The following FBXL4 variants were observed in gnomAD, a reference collection of about 807,000 sequenced individuals.
FBXL4 encodes the protein F-box/LRR-repeat protein 4.
Under a neutral mutation model 58.9 loss-of-function variants are expected in FBXL4, and 40 were observed. That is an observed-to-expected ratio of 0.68 (90% CI 0.53 to 0.88). FBXL4 has a LOEUF of 0.88. Ranked by LOEUF, FBXL4 falls within the 40% of genes least tolerant of loss-of-function variation. The pLI is 0.00. For synonymous variants in FBXL4, 263 were observed against 265.5 expected (o/e 0.99, Z 0.09); for missense variants, 676 against 734.4 (o/e 0.92, Z 0.92).
Position 98,918,976 on chromosome 6 carries a change from G to A in FBXL4, c.513-1257C>T, listed in dbSNP as rs986179214. Among the ~76,000 whole-genome samples the A allele has an allele frequency of 4.6e-5, 7 of 151,424 alleles. No homozygotes were observed. The South Asian group carries it at 8.3e-4, about 18-fold the overall frequency. On this transcript the variant is annotated intron_variant, in intron 4 of 9. Transcript: ENST00000369244. ...ATTTTTTTCCACCAATAAATTGTTC[G>A]TTTATTTCCCTGGCCCAATGACCTA...
At position 98,875,609 on chromosome 6, in the gene FBXL4, C is replaced by T; in HGVS notation, c.1508G>A (p.Gly503Glu). ...TENGIAELASGCPLLEELDLG... is the reference protein window; with the variant it reads ...TENGIAELASECPLLEELDLG... ...GTCAAGCTCCTCCAGTAGTGGACAC[C>T]CAGAAGCCAGTTCTGCTATTCCATT... The change falls in exon 9 of 10, where the codon GGG (glycine) becomes GAG (glutamate). Residue 503 changes from glycine to glutamate, a missense_variant. Transcript: ENST00000369244. 6.2e-7 allele frequency: 1 copy of T among 1,614,080 alleles called. No individual in the cohort carries two copies. Among genetic ancestry groups the T allele is most frequent in the Admixed American group, 1.7e-5 (1 of 60,006 alleles).
chr6:98,880,222 C>T (rs1446604119), intron 8 of FBXL4, among the ~76,000 whole-genome samples: 16 of 152,218 alleles, frequency 1.1e-4, no homozygotes, highest in Non-Finnish European at 1.5e-4. Flanking sequence ...ACTGAACTAT[C>T]GGCATTTAGG....
At chr6:98,876,847 G>A (rs566176185) in intron 8 of FBXL4, among the ~76,000 whole-genome samples, 1 of 152,220 alleles carries the variant, frequency 6.6e-6, no homozygotes, top group African/African-American at 2.4e-5. Flanking sequence ...TCACGCAGTG[G>A]CCAGGACATT....
intron 1 of FBXL4, among the ~76,000 whole-genome samples, chr6:98,937,420 A>T (rs1773262375): frequency 6.6e-6 from 1 of 152,254 alleles, no homozygotes; most frequent in Non-Finnish European, 1.5e-5. Flanking sequence ...TGTAAGTTAT[A>T]TAATTTATGC....
At chr6:98,939,388 A>C (rs1582459316) in intron 1 of FBXL4, among the ~76,000 whole-genome samples, 1 of 152,160 alleles carries the variant, frequency 6.6e-6, no homozygotes, top group Non-Finnish European at 1.5e-5. Flanking sequence ...TTTTTGCTTT[A>C]AGCTGTCATA....
At chr6:98,900,686 TA>T (rs2128390166) in intron 6 of FBXL4, among the ~76,000 whole-genome samples, 1 of 152,320 alleles carries the variant, frequency 6.6e-6, no homozygotes, top group Non-Finnish European at 1.5e-5. Flanking sequence ...AAGTATAAGT[TA>T]AATCTTGGCC....
intron 8 of FBXL4, among the ~76,000 whole-genome samples, chr6:98,879,730 G>A (rs1016006318): frequency 1.3e-5 from 2 of 151,548 alleles, no homozygotes; most frequent in Admixed American, 1.3e-4. Context: ...GCCCAATATG[G>A]TGAAACCCAA....
At chr6:98,935,713 C>T (rs1046059383) in intron 1 of FBXL4, among the ~76,000 whole-genome samples, 33 of 149,118 alleles carry the variant, frequency 2.2e-4, no homozygotes, top group Non-Finnish European at 4.1e-4. Flanking sequence ...GGCGTGAACC[C>T]GGGAAGCGGA....
intron 6 of FBXL4, 32 bp downstream of exon 6, chr6:98,905,394 G>T (rs750183150): frequency 1.9e-6 from 3 of 1,604,666 alleles, no homozygotes; most frequent in African/African-American, 1.3e-5. Context: ...CTGCTGGGGG[G>T]GAAAAAAACT....
rs113521162 is a variant in FBXL4 at position 98,922,219 on chromosome 6, C to T, written c.512+4258G>A. 1.6e-3 allele frequency among the ~76,000 whole-genome samples: 251 copies of T among 152,256 alleles called. 2 individuals carry two copies. Among genetic ancestry groups the T allele is most frequent in the African/African-American group, 5.5e-3 (230 of 41,540 alleles). The stretch of plus-strand genomic sequence containing the variant: ...GGGATTACAGGCGTGAGCCACCATG[C>T]CAGGCCTTTTTCTTTTGCTCTTAAT... On this transcript the variant is annotated intron_variant, in intron 4 of 9. Coordinates refer to ENST00000369244, the MANE Select transcript of FBXL4 (RefSeq NM_001278716.2).
intron 6 of FBXL4, among the ~76,000 whole-genome samples, chr6:98,901,651 A>C (rs1771616702): frequency 1.3e-5 from 2 of 152,060 alleles, no homozygotes; most frequent in Non-Finnish European, 2.9e-5. Flanking sequence ...TCTCTACTTA[A>C]ATTTTCAAAA....
At chr6:98,914,096 C>T (rs1298439192) in intron 5 of FBXL4, among the ~76,000 whole-genome samples, 2 of 152,218 alleles carry the variant, frequency 1.3e-5, no homozygotes, top group Non-Finnish European at 2.9e-5. Flanking sequence ...GACTCATACA[C>T]TCTCCCAAGG....
intron 4 of FBXL4, among the ~76,000 whole-genome samples, chr6:98,922,169 G>GC (rs1419421339): frequency 1.3e-5 from 2 of 152,000 alleles, no homozygotes; most frequent in African/African-American, 4.8e-5. Flanking sequence ...CTTGTTATCC[G>GC]CCCCCCTCGG....
At chr6:98,911,897 A>C (rs964387121) in intron 5 of FBXL4, among the ~76,000 whole-genome samples, 2 of 152,244 alleles carry the variant, frequency 1.3e-5, no homozygotes, top group African/African-American at 4.8e-5. Context: ...GAGGAAATTC[A>C]AACCAAAGGC....
chr6:98,870,442 T>C lies in FBXL4; in HGVS notation c.*3836A>G, dbSNP rs1177868865. On this transcript the variant is annotated 3_prime_UTR_variant, in exon 10 of 10. Transcript: ENST00000369244. Reference sequence around the variant, plus strand: ...TTTATTGGAACATGGCCACACTCATTCGTTTAGGTACTGTCTATGATTGCT... The same window carrying C: ...TTTATTGGAACATGGCCACACTCATCCGTTTAGGTACTGTCTATGATTGCT... 6.6e-6 allele frequency: 1 copy of C among 152,190 alleles called. No homozygotes were observed. The highest frequency in any genetic ancestry group is 1.5e-5 in the Non-Finnish European group (1 of 68,032). 9.4% of individuals were successfully genotyped at this position (152,190 alleles called of 1,614,324 possible). A position where few individuals can be genotyped will look rare whatever the true frequency, so the allele number is the denominator to read the frequency against.
At chr6:98,912,203 G>A (rs1371283799) in intron 5 of FBXL4, among the ~76,000 whole-genome samples, 1 of 152,210 alleles carries the variant, frequency 6.6e-6, no homozygotes, top group Non-Finnish European at 1.5e-5. Context: ...TGTCTGATTG[G>A]CGTACCTGAA....
chr6:98,931,433 T>C (rs544810239), intron 2 of FBXL4, among the ~76,000 whole-genome samples: 132 of 152,328 alleles, frequency 8.7e-4, no homozygotes, highest in African/African-American at 2.9e-3. Flanking sequence ...TTCTTCAATA[T>C]AGAAATGTAA....
At chr6:98,909,830 G>A (rs1018952379) in intron 5 of FBXL4, among the ~76,000 whole-genome samples, 1 of 152,118 alleles carries the variant, frequency 6.6e-6, no homozygotes, top group African/African-American at 2.4e-5. Flanking sequence ...CATCACATGA[G>A]GTCTGGGTGG....
chr6:98,875,184 A>G, intron 9 of FBXL4: 1 of 524,112 alleles, frequency 1.9e-6, no homozygotes. Flanking sequence ...ATAGTTTTTT[A>G]CAGTTTCAAC....
Sources: allele counts gnomAD v4.1 joint callset (sites outside exome capture counted in the v4.1 genomes callset), GRCh38; gene constraint gnomAD v4.1.1; transcripts MANE v1.5; gene names NCBI Gene and HGNC (gene_info 2026-07-23, HGNC 2026-07-21).